KBTBD13: variants seen among roughly 807,000 people sequenced by gnomAD.
The protein encoded by KBTBD13 is kelch repeat and BTB domain-containing protein 13.
In KBTBD13, 32 loss-of-function variants were observed where a neutral mutation model predicts 25.4. That is an observed-to-expected ratio of 1.26 (90% CI 0.95 to 1.69). KBTBD13 has a LOEUF of 1.69. Ranked by LOEUF, KBTBD13 falls within the 40% of genes most tolerant of loss-of-function variation. The probability of loss-of-function intolerance (pLI) is 0.00; values close to 1 mark genes in which losing one functional copy is unlikely to be tolerated. For missense variants in KBTBD13, 898 were observed against 679.5 expected, an observed-to-expected ratio of 1.32 and a Z score of -3.57; for synonymous variants, 436 against 329.8, an observed-to-expected ratio of 1.32 and a Z score of -3.49.
rs2087018841 is a variant in KBTBD13 at position 65,079,492 on chromosome 15, C to T, written c.*1300C>T. Among the ~76,000 whole-genome samples the T allele has an allele frequency of 6.6e-6, 1 of 152,234 alleles. No homozygotes were observed. Among genetic ancestry groups the T allele is most frequent in the African/African-American group, 2.4e-5 (1 of 41,456 alleles). On this transcript the variant is annotated 3_prime_UTR_variant, in exon 1 of 1. Coordinates refer to ENST00000432196, the MANE Select transcript of KBTBD13 (RefSeq NM_001101362.3). ...AGATCCTGTTAAGTGAGCTGGGGGA[C>T]TTCCCTGTCCCAGATTAAAATGATG...
chr15:65,076,945 C>A lies in KBTBD13; in HGVS notation c.130C>A (p.Arg44Ser), dbSNP rs776958724. Reference sequence around the variant, plus strand: ...CTTCCGCTCCGGCATGCGGGAGACCCGCGCAGCAGAGGTGCGCCTGGGCGT... The same window carrying A: ...CTTCCGCTCCGGCATGCGGGAGACCAGCGCAGCAGAGGTGCGCCTGGGCGT... The part of the protein sequence containing the change: ...GLFRSGMRET[R>S]AAEVRLGVLS... The change falls in exon 1 of 1, where the codon CGC (arginine) becomes AGC (serine). Residue 44 changes from arginine to serine, a missense_variant. Coordinates refer to ENST00000432196, the MANE Select transcript of KBTBD13 (RefSeq NM_001101362.3). The A allele has an allele frequency of 2.6e-6, 4 of 1,555,150 alleles. No homozygotes were observed. In the East Asian group the frequency reaches 7.1e-5, roughly 28 times the overall value.
rs762441326 is a variant in KBTBD13, at chr15:65,077,915, G to C, written c.1100G>C (p.Cys367Ser). Residue 367 changes from cysteine to serine, a missense_variant, in exon 1 of 1, where the codon TGC becomes TCC. By Grantham distance (112) the Cys-to-Ser change is moderately radical. Transcript: ENST00000432196. ...RNGPSDDFLH[C>S]AIDCLNLATG... ...GGACCTTCCGACGACTTCCTGCACT[G>C]CGCCATCGACTGTCTCAACCTGGCC... 1.2e-6 allele frequency: 2 copies of C among 1,611,982 alleles called. No homozygotes were observed. The highest frequency in any genetic ancestry group is 4.5e-5 in the East Asian group (2 of 44,864).
rs1595912707 is a variant in KBTBD13 at position 65,077,369 on chromosome 15, A to T, written c.554A>T (p.Asp185Val). The T allele has an allele frequency of 6.6e-7, 1 of 1,508,892 alleles. No homozygotes were observed. Among genetic ancestry groups the T allele is most frequent in the East Asian group, 2.5e-5 (1 of 39,552 alleles). The allele number at this position is 1,508,892 out of a possible 1,614,324, so 93.5% of individuals were successfully genotyped here. A position where few individuals can be genotyped will look rare whatever the true frequency, so the allele number is the denominator to read the frequency against. The change falls in exon 1 of 1, where the codon GAC becomes GTC. Residue 185 changes from aspartate (D) to valine (V), a missense_variant. Asp to Val is a radical substitution (Grantham distance 152). Coordinates refer to ENST00000432196, the MANE Select transcript of KBTBD13 (RefSeq NM_001101362.3). ...CTGTGTTACCTGGACGAGGAAGAGGACGCGTGGCGCACGCTGGCTGCGCTG... is the reference window on the plus strand; with the variant it reads ...CTGTGTTACCTGGACGAGGAAGAGGTCGCGTGGCGCACGCTGGCTGCGCTG... ...RTLCYLDEEE[D>V]AWRTLAALPL...
Position 65,077,058 on chromosome 15 carries a change from C to G in KBTBD13, c.243C>G (p.Ala81=), listed in dbSNP as rs536164662. The change falls in exon 1 of 1, where the codon GCC becomes GCG. Residue 81 remains alanine (A), a synonymous_variant. Coordinates refer to ENST00000432196, the MANE Select transcript of KBTBD13 (RefSeq NM_001101362.3). ...CGGCGGAGGACGAGCTGCTGCAGGC[C>G]GTGGAGTGCGCCGCCTTCCTCCAGG... The part of the protein sequence containing the change: ...ALAAEDELLQ[A]VECAAFLQAP... The G allele has an allele frequency of 1.3e-6, 2 of 1,511,978 alleles. No individual in the cohort carries two copies. The highest frequency in any genetic ancestry group is 1.4e-5 in the African/African-American group (1 of 70,648). 93.7% of individuals were successfully genotyped at this position (1,511,978 alleles called of 1,614,324 possible).
rs757271863 is a variant in KBTBD13, at chr15:65,076,845, G to C, written c.30G>C (p.Gln10His). MARGPQTLV[Q>H]VWVGGQLFQA... ...CACGGGGTCCACAGACCCTGGTGCA[G>C]GTGTGGGTGGGCGGCCAGCTCTTCC... Residue 10 changes from glutamine (Q) to histidine (H), a missense_variant, in exon 1 of 1, where the codon CAG becomes CAC. Transcript: ENST00000432196. The C allele has an allele frequency of 6.4e-7, 1 of 1,558,828 alleles. No individual in the cohort carries two copies. The highest frequency in any genetic ancestry group is 8.6e-7 in the Non-Finnish European group (1 of 1,159,618).
chr15:65,076,944 C>A lies in KBTBD13; in HGVS notation c.129C>A (p.Thr43=). The A allele has an allele frequency of 6.4e-7, 1 of 1,555,308 alleles. No individual in the cohort carries two copies. Among genetic ancestry groups the A allele is most frequent in the South Asian group, 1.2e-5 (1 of 85,252 alleles). ...TCTTCCGCTCCGGCATGCGGGAGAC[C>A]CGCGCAGCAGAGGTGCGCCTGGGCG... ...RGLFRSGMRE[T]RAAEVRLGVL... The change falls in exon 1 of 1, where the codon ACC becomes ACA. Residue 43 remains threonine (T), a synonymous_variant. Transcript: ENST00000432196.
rs754870477 is a variant in KBTBD13, at chr15:65,077,696, C to T, written c.881C>T (p.Pro294Leu). The T allele has an allele frequency of 9.6e-5, 152 of 1,577,106 alleles. No homozygotes were observed. Among genetic ancestry groups the T allele is most frequent in the Non-Finnish European group, 1.2e-4 (138 of 1,167,244 alleles). The part of the protein sequence containing the change: ...CWSFVADLPQ[P>L]AAGVPCAQAC... ...AGTTTCGTGGCCGACCTGCCGCAGCCGGCCGCCGGCGTGCCCTGCGCCCAG... is the reference window on the plus strand; with the variant it reads ...AGTTTCGTGGCCGACCTGCCGCAGCTGGCCGCCGGCGTGCCCTGCGCCCAG... Residue 294 changes from proline (P) to leucine (L), a missense_variant, in exon 1 of 1, where the codon CCG (proline) becomes CTG (leucine). By Grantham distance (98) the Pro-to-Leu change is moderately conservative. Transcript: ENST00000432196.
chr15:65,079,024 A>G lies in KBTBD13; in HGVS notation c.*832A>G, dbSNP rs2087015686. ...GAGACTGGGCCAGCTTGCAGCAGAT[A>G]ATGACTGAGCTGAGCCTGGAGTGAG... On this transcript the variant is annotated 3_prime_UTR_variant, in exon 1 of 1. Transcript: ENST00000432196. 6.6e-6 allele frequency among the ~76,000 whole-genome samples: 1 copy of G among 152,160 alleles called. No homozygotes were observed. The highest frequency in any genetic ancestry group is 2.1e-4 in the South Asian group (1 of 4,830).
chr15:65,077,036 CG>C lies in KBTBD13; in HGVS notation c.223del (p.Glu75ArgfsTer86). On this transcript the variant is annotated frameshift_variant, in exon 1 of 1. Transcript: ENST00000432196. LOFTEE classifies it high-confidence loss of function. ...VLRGDRPALA[A>X]EDELLQAVEC... Reference sequence around the variant, plus strand: ...CGCGGCGACCGGCCGGCGCTGGCGGCGGAGGACGAGCTGCTGCAGGCCGTGG... The same window carrying C: ...CGCGGCGACCGGCCGGCGCTGGCGGCGAGGACGAGCTGCTGCAGGCCGTGG... 6.7e-7 allele frequency: 1 copy of C among 1,498,322 alleles called. No individual in the cohort carries two copies. Among genetic ancestry groups the C allele is most frequent in the Middle Eastern group, 1.9e-4 (1 of 5,398 alleles). 92.8% of individuals were successfully genotyped at this position (1,498,322 alleles called of 1,614,324 possible).
At position 65,078,321 on chromosome 15, in the gene KBTBD13, C is replaced by CT. The variant is rs2087010854; in HGVS notation, c.*131dup. ...CTACTGAGACACCCAGGTTTGGTGCCTTCTGGTGGTGTGGACATGTTCAAG... is the reference window on the plus strand; with the variant it reads ...CTACTGAGACACCCAGGTTTGGTGCCTTTCTGGTGGTGTGGACATGTTCAAG... On this transcript the variant is annotated 3_prime_UTR_variant, in exon 1 of 1. Coordinates refer to ENST00000432196, the MANE Select transcript of KBTBD13 (RefSeq NM_001101362.3). The CT allele has an allele frequency of 7.7e-7, 1 of 1,301,852 alleles. No individual in the cohort carries two copies. The highest frequency in any genetic ancestry group is 1.5e-5 in the African/African-American group (1 of 67,480). 80.6% of individuals were successfully genotyped at this position (1,301,852 alleles called of 1,614,324 possible). A position where few individuals can be genotyped will look rare whatever the true frequency, so the allele number is the denominator to read the frequency against.
Position 65,076,746 on chromosome 15 carries a change from AG to A in KBTBD13, c.-66del. Reference sequence around the variant, plus strand: ...AGCCCCCAGGGAAGTTTTTTGCTCCAGGGGAGCCCCAGAGTTGGTGGCTGGC... The same window carrying A: ...AGCCCCCAGGGAAGTTTTTTGCTCCAGGGAGCCCCAGAGTTGGTGGCTGGC... On this transcript the variant is annotated 5_prime_UTR_variant, in exon 1 of 1. Coordinates refer to ENST00000432196, the MANE Select transcript of KBTBD13 (RefSeq NM_001101362.3). 7.0e-7 allele frequency: 1 copy of A among 1,421,852 alleles called. No individual in the cohort carries two copies. Among genetic ancestry groups the A allele is most frequent in the Non-Finnish European group, 9.3e-7 (1 of 1,073,212 alleles). The allele number at this position is 1,421,852 out of a possible 1,614,324, so 88.1% of individuals were successfully genotyped here. A position where few individuals can be genotyped will look rare whatever the true frequency, so the allele number is the denominator to read the frequency against.
At position 65,077,645 on chromosome 15, in the gene KBTBD13, G is replaced by A. The variant is rs1233365626; in HGVS notation, c.830G>A (p.Arg277His). ...FQRTPISSVE[R>H]YDPAAGCWSF... ...AGGACGCCCATCAGCTCCGTGGAGC[G>A]CTACGACCCAGCCGCGGGCTGCTGG... Residue 277 changes from arginine to histidine, a missense_variant, in exon 1 of 1, where the codon CGC becomes CAC. Arg to His is a conservative substitution (Grantham distance 29, BLOSUM62 0). Coordinates refer to ENST00000432196, the MANE Select transcript of KBTBD13 (RefSeq NM_001101362.3). 2.5e-6 allele frequency: 4 copies of A among 1,590,244 alleles called. No homozygotes were observed. Among genetic ancestry groups the A allele is most frequent in the South Asian group, 1.1e-5 (1 of 89,698 alleles).
At position 65,077,263 on chromosome 15, in the gene KBTBD13, G is replaced by A. The variant is rs1283962384; in HGVS notation, c.448G>A (p.Ala150Thr). ...LALPEARAYV[A>T]ALRPSSYAAV... ...GCTGCCTGAGGCCCGCGCCTACGTGGCGGCCCTGCGGCCCAGCAGCTACGC... is the reference window on the plus strand; with the variant it reads ...GCTGCCTGAGGCCCGCGCCTACGTGACGGCCCTGCGGCCCAGCAGCTACGC... The change falls in exon 1 of 1, where the codon GCG (alanine) becomes ACG (threonine). Residue 150 changes from alanine (A) to threonine (T), a missense_variant. By Grantham distance (58) the Ala-to-Thr change is moderately conservative. Transcript: ENST00000432196. The A allele has an allele frequency of 5.0e-6, 7 of 1,398,164 alleles. No individual in the cohort carries two copies. The African/African-American group carries it at 9.1e-5, about 18-fold the overall frequency. 86.6% of individuals were successfully genotyped at this position (1,398,164 alleles called of 1,614,324 possible). A position where few individuals can be genotyped will look rare whatever the true frequency, so the allele number is the denominator to read the frequency against.
At position 65,077,876 on chromosome 15, in the gene KBTBD13, A is replaced by G. The variant is rs778125325; in HGVS notation, c.1061A>G (p.Tyr354Cys). Residue 354 changes from tyrosine to cysteine, a missense_variant, in exon 1 of 1, where the codon TAT becomes TGT. Physicochemically the swap from Tyr to Cys is radical, Grantham distance 194. Coordinates refer to ENST00000432196, the MANE Select transcript of KBTBD13 (RefSeq NM_001101362.3). Reference protein sequence around the residue: ...HCMVAHRDSLYVVRNGPSDDF... With the variant: ...HCMVAHRDSLCVVRNGPSDDF... ...ATGGTGGCCCACCGCGACAGCCTCT[A>G]TGTGGTGCGCAACGGACCTTCCGAC... is the stretch of plus-strand genomic sequence containing the variant. 3.5e-5 allele frequency: 57 copies of G among 1,611,600 alleles called. No individual in the cohort carries two copies. Among genetic ancestry groups the G allele is most frequent in the East Asian group, 1.8e-4 (8 of 44,862 alleles).
Position 65,077,850 on chromosome 15 carries a change from C to T in KBTBD13, c.1035C>T (p.Cys345=). The change falls in exon 1 of 1, where the codon TGC becomes TGT. Residue 345 remains cysteine, a synonymous_variant. Transcript: ENST00000432196. ...ELRRPQSYGH[C]MVAHRDSLYV... ...GGCGTCCGCAGAGCTATGGCCACTG[C>T]ATGGTGGCCCACCGCGACAGCCTCT... 6.2e-7 allele frequency: 1 copy of T among 1,610,652 alleles called. No homozygotes were observed. Among genetic ancestry groups the T allele is most frequent in the Admixed American group, 1.7e-5 (1 of 59,970 alleles).
rs576373271 is a variant in KBTBD13, at chr15:65,079,354, T to C, written c.*1162T>C. ...GTGCTCTACCATCCTCTGTGCAGCA[T>C]TGGCTCACCCAGCTCTTCGTTTTCC... On this transcript the variant is annotated 3_prime_UTR_variant, in exon 1 of 1. Coordinates refer to ENST00000432196, the MANE Select transcript of KBTBD13 (RefSeq NM_001101362.3). 8.3e-4 allele frequency among the ~76,000 whole-genome samples: 127 copies of C among 152,334 alleles called. 1 individual carries two copies. The highest frequency in any genetic ancestry group is 2.9e-3 in the African/African-American group (120 of 41,580).
At position 65,078,270 on chromosome 15, in the gene KBTBD13, A is replaced by G. The variant is rs900986909; in HGVS notation, c.*78A>G. ...TGGCTGAGTGTGTGAGGCCGGCCTT[A>G]GAAGTAGCTGGCAACTTCCCTCTTT... On this transcript the variant is annotated 3_prime_UTR_variant, in exon 1 of 1. Coordinates refer to ENST00000432196, the MANE Select transcript of KBTBD13 (RefSeq NM_001101362.3). 6.8e-7 allele frequency: 1 copy of G among 1,480,424 alleles called. No individual in the cohort carries two copies. The highest frequency in any genetic ancestry group is 8.9e-7 in the Non-Finnish European group (1 of 1,118,566). The allele number at this position is 1,480,424 out of a possible 1,614,324, so 91.7% of individuals were successfully genotyped here. A position where few individuals can be genotyped will look rare whatever the true frequency, so the allele number is the denominator to read the frequency against.
In KBTBD13 at chr15:65,078,198, G is replaced by A. The variant is rs775087380; in HGVS notation, c.*6G>A. The A allele has an allele frequency of 2.0e-6, 3 of 1,536,578 alleles. No homozygotes were observed. Among genetic ancestry groups the A allele is most frequent in the Non-Finnish European group, 2.6e-6 (3 of 1,146,122 alleles). On this transcript the variant is annotated 3_prime_UTR_variant, in exon 1 of 1. Coordinates refer to ENST00000432196, the MANE Select transcript of KBTBD13 (RefSeq NM_001101362.3). ...CGACAACGGCAGAACTGTGACCTCT[G>A]GGCTGGCTTTAGGAGGGAGGAGACG...
At position 65,077,022 on chromosome 15, in the gene KBTBD13, G is replaced by A; in HGVS notation, c.207G>A (p.Arg69=). ...CGCTGCAGGTGCTGCGCGGCGACCG[G>A]CCGGCGCTGGCGGCGGAGGACGAGC... is the stretch of plus-strand genomic sequence containing the variant. ...RATLQVLRGD[R]PALAAEDELL... The change falls in exon 1 of 1, where the codon CGG becomes CGA. Residue 69 remains arginine, a synonymous_variant. Transcript: ENST00000432196. 2.0e-6 allele frequency: 3 copies of A among 1,499,174 alleles called. No individual in the cohort carries two copies. The highest frequency in any genetic ancestry group is 1.3e-5 in the South Asian group (1 of 79,096). 92.9% of individuals were successfully genotyped at this position (1,499,174 alleles called of 1,614,324 possible). A position where few individuals can be genotyped will look rare whatever the true frequency, so the allele number is the denominator to read the frequency against.
Sources: gnomAD v4.1 joint callset for allele counts (sites outside exome capture counted in the v4.1 genomes callset) on GRCh38, gnomAD v4.1.1 for gene constraint, MANE v1.5 for transcripts, NCBI Gene and HGNC (gene_info 2026-07-23, HGNC 2026-07-21) for gene names.